Variants in PCDH11X observed in about 807,000 individuals in gnomAD.
PCDH11X encodes protocadherin 11 X-linked.
In PCDH11X, 18 loss-of-function variants were observed where a neutral mutation model predicts 53.3. That is an observed-to-expected ratio of 0.34 (90% CI 0.23 to 0.50). The LOEUF (loss-of-function observed/expected upper bound fraction) is 0.50, where lower values mean the gene tolerates loss of function less well. Among genes scored for constraint, PCDH11X ranks in the 20% least tolerant of loss-of-function variants. The pLI is 0.98. For missense variants in PCDH11X, 570 were observed against 1,032.4 expected (o/e 0.55, Z 6.14); for synonymous variants, 279 against 393.3 (o/e 0.71, Z 3.44).
intron 9 of PCDH11X, among the ~76,000 whole-genome samples, chrX:92,441,693 C>A (rs1294754838): frequency 1.8e-5 from 2 of 112,436 alleles, no homozygotes; most frequent in South Asian, 7.3e-4. Context: ...GCAGGAGCAG[C>A]ACCCTCATGA....
intron 10 of PCDH11X, among the ~76,000 whole-genome samples, chrX:92,587,565 T>C (rs1236173525): frequency 1.8e-5 from 2 of 110,795 alleles, no homozygotes; most frequent in Non-Finnish European, 1.9e-5. Flanking sequence ...GAATTTAATA[T>C]CATAAGAGCA....
intron 7 of PCDH11X, among the ~76,000 whole-genome samples, chrX:92,202,741 G>T (rs947204223): frequency 3.6e-5 from 4 of 112,061 alleles, no homozygotes; most frequent in African/African-American, 1.3e-4. Context: ...AATGGGGTTG[G>T]CTGGGTGCGG....
intron 6 of PCDH11X, among the ~76,000 whole-genome samples, chrX:92,128,587 G>T (rs766928478): frequency 8.3e-5 from 9 of 108,721 alleles, no homozygotes; most frequent in Non-Finnish European, 1.7e-4. Context: ...TAGTAGAGAC[G>T]GGGGTTTCAC....
chrX:91,860,541 G>A (rs1243419112), intron 5 of PCDH11X, among the ~76,000 whole-genome samples: 1 of 111,624 alleles, frequency 9.0e-6, no homozygotes, highest in Non-Finnish European at 1.9e-5. Context: ...GTCTTGTGCC[G>A]GTTTTCAGGG....
intron 6 of PCDH11X, among the ~76,000 whole-genome samples, chrX:92,107,282 C>T (rs2064405128): frequency 8.9e-6 from 1 of 111,957 alleles, no homozygotes; most frequent in South Asian, 3.7e-4. Flanking sequence ...ATTTTCAGGG[C>T]CTCTTGAGGC....
chrX:91,795,878 A>G (rs1935716477), intron 1 of PCDH11X, among the ~76,000 whole-genome samples: 1 of 111,751 alleles, frequency 8.9e-6, no homozygotes, highest in Non-Finnish European at 1.9e-5. Context: ...TGTTCCATAA[A>G]CAATACCAAT....
At chrX:91,915,859 G>T (rs1402086217) in intron 6 of PCDH11X, among the ~76,000 whole-genome samples, 1 of 111,088 alleles carries the variant, frequency 9.0e-6, no homozygotes, top group Non-Finnish European at 1.9e-5. Context: ...ATGGATATTT[G>T]CAGAACATTT....
intron 9 of PCDH11X, among the ~76,000 whole-genome samples, chrX:92,429,759 C>T (rs1322324147): frequency 1.0e-5 from 1 of 100,281 alleles, no homozygotes; most frequent in Non-Finnish European, 2.0e-5. Flanking sequence ...AGAATTGCTG[C>T]CTAGTGAGCC....
intron 8 of PCDH11X, among the ~76,000 whole-genome samples, chrX:92,316,452 G>A (rs1381912809): frequency 1.8e-5 from 2 of 109,946 alleles, no homozygotes; most frequent in Non-Finnish European, 1.9e-5. Context: ...TATCCAAGAT[G>A]ATATAAAATA....
chrX:92,221,984 C>T (rs12009427), intron 7 of PCDH11X, among the ~76,000 whole-genome samples: 5,425 of 110,548 alleles, frequency 0.049, 234 homozygotes, highest in East Asian at 0.19. Context: ...CAGGTGCACG[C>T]CACCATACTC....
intron 6 of PCDH11X, among the ~76,000 whole-genome samples, chrX:92,064,536 C>T (rs2148068679): frequency 1.0e-5 from 1 of 99,185 alleles, no homozygotes; most frequent in African/African-American, 3.8e-5. Flanking sequence ...ATAGTTTTGT[C>T]ATGTTACTAT....
At chrX:91,917,761 C>T (rs1298872752) in intron 6 of PCDH11X, among the ~76,000 whole-genome samples, 1 of 107,050 alleles carries the variant, frequency 9.3e-6, no homozygotes, top group Non-Finnish European at 1.9e-5. Flanking sequence ...AAGCAATCTA[C>T]AGATTCAATG....
At chrX:92,207,909 T>C (rs1186520944) in intron 7 of PCDH11X, among the ~76,000 whole-genome samples, 1 of 111,488 alleles carries the variant, frequency 9.0e-6, no homozygotes, top group Non-Finnish European at 1.9e-5. Context: ...ATAAAACTTA[T>C]TTCTTGGCTG....
At chrX:92,382,019 C>T (rs992447409) in intron 8 of PCDH11X, among the ~76,000 whole-genome samples, 1 of 110,232 alleles carries the variant, frequency 9.1e-6, no homozygotes, top group African/African-American at 3.3e-5. Flanking sequence ...ACTACAGGGA[C>T]AAAAATGAAA....
At chrX:92,106,112 C>T (rs1425749931) in intron 6 of PCDH11X, among the ~76,000 whole-genome samples, 1 of 110,078 alleles carries the variant, frequency 9.1e-6, no homozygotes, top group Admixed American at 9.8e-5. Flanking sequence ...ATCTTTCACA[C>T]ATATCATTTA....
chrX:92,459,767 G>A, intron 9 of PCDH11X: 4 of 1,171,577 alleles, frequency 3.4e-6, no homozygotes, highest in Non-Finnish European at 4.6e-6. Flanking sequence ...AGCGCGGCCA[G>A]CGTCTATGCA....
chrX:92,477,777 A>G (rs948205779), intron 10 of PCDH11X, among the ~76,000 whole-genome samples: 1 of 105,400 alleles, frequency 9.5e-6, no homozygotes, highest in Non-Finnish European at 1.9e-5. Context: ...ATTGCTGGTC[A>G]TTAATCTTCT....
At chrX:92,576,192 T>TA (rs1212020944) in intron 10 of PCDH11X, among the ~76,000 whole-genome samples, 1 of 70,254 alleles carries the variant, frequency 1.4e-5, no homozygotes, top group East Asian at 3.6e-4. Context: ...TTGTCTTATA[T>TA]AACTGTTCTG....
intron 6 of PCDH11X, among the ~76,000 whole-genome samples, chrX:92,192,843 A>T (rs2066222172): frequency 9.0e-6 from 1 of 110,844 alleles, no homozygotes; most frequent in African/African-American, 3.3e-5. Flanking sequence ...GATTCAAGCA[A>T]TTCTTCTGCC....
Sources: allele counts gnomAD v4.1 joint callset (sites outside exome capture counted in the v4.1 genomes callset), GRCh38; gene constraint gnomAD v4.1.1; transcripts MANE v1.5; gene names NCBI Gene and HGNC (gene_info 2026-07-23, HGNC 2026-07-21).